GRK1: variants seen among roughly 807,000 people sequenced by gnomAD.
The protein encoded by GRK1 is G protein-coupled receptor kinase 1.
A neutral mutation model predicts 41.7 loss-of-function variants in GRK1; 28 were observed. That is an observed-to-expected ratio of 0.67 (90% CI 0.50 to 0.92). GRK1 has a LOEUF of 0.92. Ranked by LOEUF, GRK1 falls within the 40% of genes least tolerant of loss-of-function variation. The pLI is 0.00. For synonymous variants in GRK1, 327 were observed against 286.7 expected (o/e 1.14, Z -1.42); for missense variants, 703 against 671.2 (o/e 1.05, Z -0.52).
intron 3 of GRK1, among the ~76,000 whole-genome samples, chr13:113,672,277 C>T (rs932949660): frequency 2.3e-4 from 32 of 141,176 alleles, no homozygotes; most frequent in African/African-American, 7.2e-4. Flanking sequence ...GTGGTGTGTG[C>T]GGTGTGTGTA....
At chr13:113,729,420 T>C (rs1220618890) in intron 4 of GRK1, among the ~76,000 whole-genome samples, 1 of 152,200 alleles carries the variant, frequency 6.6e-6, no homozygotes, top group Non-Finnish European at 1.5e-5. Context: ...ACACATGTGA[T>C]CTGCTTTCCC....
intron 6 of GRK1, among the ~76,000 whole-genome samples, chr13:113,733,634 CTCATGTAT>C (rs2049958199): frequency 7.5e-6 from 1 of 132,514 alleles, no homozygotes; most frequent in Admixed American, 7.5e-5. Context: ...TACGTGTGTG[CTCATGTAT>C]GTGTGCATAC....
At chr13:113,733,752 T>C (rs1249560646) in intron 6 of GRK1, among the ~76,000 whole-genome samples, 1 of 121,736 alleles carries the variant, frequency 8.2e-6, no homozygotes, top group South Asian at 2.3e-4. Flanking sequence ...TGCATACATG[T>C]GTGTGCGTGT....
rs752577779 is a variant in GRK1 at position 113,667,410 on chromosome 13, C to T, written c.24C>T (p.Thr8=). The T allele has an allele frequency of 3.8e-6, 6 of 1,590,046 alleles. No homozygotes were observed. The highest frequency in any genetic ancestry group is 1.1e-5 in the South Asian group (1 of 87,484). The change falls in exon 1 of 7, where the codon ACC becomes ACT. Residue 8 remains threonine, a synonymous_variant. Coordinates refer to ENST00000335678, the MANE Select transcript of GRK1 (RefSeq NM_002929.3). The surrounding 1 kb of genome is among the most constrained non-coding windows in gnomAD (Gnocchi z 7.5). MDFGSLE[T]VVANSAFIAA... is the part of the protein sequence containing the mutation. ...GGATGGATTTCGGGTCTTTGGAGAC[C>T]GTGGTGGCCAACTCTGCCTTCATCG...
chr13:113,664,632 C>A (rs2049806788), upstream of GRK1, among the ~76,000 whole-genome samples: 1 of 152,196 alleles, frequency 6.6e-6, no homozygotes. This position sits in a 1 kb window ranked among gnomAD's most constrained non-coding sequence, Gnocchi z 5.4. Context: ...GCCCCCAGTC[C>A]AACAGGAAGC....
the GRK1 span, chr13:113,649,169 T>C: frequency 2.1e-6 from 1 of 478,596 alleles, no homozygotes; most frequent in African/African-American, 2.0e-5. This position sits in a 1 kb window ranked among gnomAD's most constrained non-coding sequence, Gnocchi z 4.7. Flanking sequence ...CTAAAAACTG[T>C]AAGAATTCAA....
the GRK1 span, chr13:113,649,608 A>G: frequency 7.0e-7 from 1 of 1,427,038 alleles, no homozygotes; most frequent in Non-Finnish European, 9.3e-7. This position sits in a 1 kb window ranked among gnomAD's most constrained non-coding sequence, Gnocchi z 4.7. Context: ...TAAGCAAGGA[A>G]GTGTCAACAG....
At chr13:113,652,603 C>T in the GRK1 span, 2 of 521,916 alleles carry the variant, frequency 3.8e-6, no homozygotes, top group Non-Finnish European at 7.1e-6. Flanking sequence ...TGAAGGGGGC[C>T]CTGGCCTTGC....
chr13:113,666,906 C>G (rs2049822313), upstream of GRK1, among the ~76,000 whole-genome samples: 2 of 152,206 alleles, frequency 1.3e-5, no homozygotes, highest in African/African-American at 2.4e-5. Context: ...CTCCGTCAGG[C>G]CCACATCCCA....
At chr13:113,653,493 A>G in the GRK1 span, 1 of 1,489,766 alleles carries the variant, frequency 6.7e-7, no homozygotes, top group Non-Finnish European at 9.3e-7. Flanking sequence ...TTAAGCCATC[A>G]GTTCTGAAGT....
chr13:113,652,724 C>A, the GRK1 span: 1 of 909,080 alleles, frequency 1.1e-6, no homozygotes, highest in South Asian at 1.4e-5. Flanking sequence ...AGGTGCGTGC[C>A]AAACCAAGGT....
intron 6 of GRK1, among the ~76,000 whole-genome samples, chr13:113,733,653 G>A (rs1473552414): frequency 1.2e-4 from 10 of 83,154 alleles, no homozygotes; most frequent in African/African-American, 4.5e-4. Flanking sequence ...GTGTGCATAC[G>A]TGTGTGTGCG....
At chr13:113,727,396 C>A (rs1429679632) in intron 4 of GRK1, among the ~76,000 whole-genome samples, 2 of 151,922 alleles carry the variant, frequency 1.3e-5, no homozygotes, top group Non-Finnish European at 2.9e-5. Flanking sequence ...GAGGTGTGGC[C>A]TGTGGTCTGT....
chr13:113,723,396 C>T (rs1459549855), intron 4 of GRK1, among the ~76,000 whole-genome samples: 2 of 152,024 alleles, frequency 1.3e-5, no homozygotes, highest in Non-Finnish European at 2.9e-5. Flanking sequence ...GACGCGAGTC[C>T]GTGGCAGCCT....
At chr13:113,728,852 G>A (rs2049913265) in intron 4 of GRK1, among the ~76,000 whole-genome samples, 2 of 152,192 alleles carry the variant, frequency 1.3e-5, no homozygotes, top group African/African-American at 4.8e-5. Flanking sequence ...GCACAGCCCG[G>A]CTGGTGGGGT....
intron 4 of GRK1, among the ~76,000 whole-genome samples, chr13:113,723,390 C>T (rs1249229361): frequency 6.6e-6 from 1 of 152,006 alleles, no homozygotes; most frequent in African/African-American, 2.4e-5. Flanking sequence ...GTTGAGGACG[C>T]GAGTCCGTGG....
In GRK1 at chr13:113,733,662, CGT is replaced by C. The variant is rs377471247; in HGVS notation, c.1396+583_1396+584del. On this transcript the variant is annotated intron_variant, in intron 6 of 6. Transcript: ENST00000335678. ...ATGTATGTGTGCATACGTGTGTGTG[CGT>C]GTGTGCACGTGTGTGCATGTATGTG... 1.2e-3 allele frequency among the ~76,000 whole-genome samples: 156 copies of C among 126,158 alleles called. 2 individuals are homozygous for C. Among genetic ancestry groups the C allele is most frequent in the African/African-American group, 4.6e-3 (145 of 31,594 alleles). The allele number at this position is 126,158 out of a possible 152,430, so 82.8% of individuals were successfully genotyped here.
Position 113,733,600 on chromosome 13 carries a change from T to C in GRK1, c.1396+515T>C, listed in dbSNP as rs573481558. ...GTGTGTGCATACGTGTGTGTGCATG[T>C]GTGCGCATGTGTATGTGTGTGCATA... is the stretch of plus-strand genomic sequence containing the variant. On this transcript the variant is annotated intron_variant, in intron 6 of 6. Coordinates refer to ENST00000335678, the MANE Select transcript of GRK1 (RefSeq NM_002929.3). Among the ~76,000 whole-genome samples, 55 of 150,914 alleles carry C rather than the reference T, an allele frequency of 3.6e-4. No individual in the cohort carries two copies. In the East Asian group the frequency reaches 6.7e-3, roughly 18 times the overall value.
At chr13:113,723,945 C>T (rs1222557388) in intron 4 of GRK1, among the ~76,000 whole-genome samples, 1 of 150,742 alleles carries the variant, frequency 6.6e-6, no homozygotes, top group African/African-American at 2.5e-5. Context: ...TATCCGTGTG[C>T]CTGTGTCTGT....
Sources: allele counts gnomAD v4.1 joint callset (sites outside exome capture counted in the v4.1 genomes callset), GRCh38; gene constraint gnomAD v4.1.1; non-coding constraint Gnocchi (gnomAD v3.1); transcripts MANE v1.5; gene names NCBI Gene and HGNC (gene_info 2026-07-23, HGNC 2026-07-21).